The following DGKI variants were observed in gnomAD, a reference collection of about 807,000 sequenced individuals.
DGKI encodes DAG kinase iota.
Under a neutral mutation model 147.5 loss-of-function variants are expected in DGKI, and 55 were observed. The observed-to-expected ratio is 0.37, with a 90% CI of 0.30 to 0.47. The LOEUF (loss-of-function observed/expected upper bound fraction) is 0.47, where lower values mean the gene tolerates loss of function less well. DGKI is among the 20% of genes least tolerant of loss of function. The pLI is 1.00. For synonymous variants in DGKI, 469 were observed against 477.1 expected (o/e 0.98, Z 0.22); for missense variants, 1,007 against 1,323.8 (o/e 0.76, Z 3.71).
chr7:137,463,458 C>T, intron 27 of DGKI, 31 bp downstream of exon 27: 2 of 1,611,004 alleles, frequency 1.2e-6, no homozygotes, highest in Non-Finnish European at 1.7e-6. Flanking sequence ...CACAGTGGCA[C>T]AGAGGAAAAG....
At chr7:137,467,417 T>C (rs1036548734) in intron 24 of DGKI, among the ~76,000 whole-genome samples, 2 of 152,222 alleles carry the variant, frequency 1.3e-5, no homozygotes, top group Non-Finnish European at 2.9e-5. Context: ...TAGGAATTAG[T>C]ATGTATTTAT....
intron 30 of DGKI, among the ~76,000 whole-genome samples, chr7:137,399,045 C>T (rs1811655297): frequency 6.7e-6 from 1 of 149,204 alleles, no homozygotes; most frequent in South Asian, 2.1e-4. Context: ...ATTGCACACT[C>T]AACCACATAT....
At chr7:137,765,713 G>A (rs58113709) in intron 1 of DGKI, among the ~76,000 whole-genome samples, 8,550 of 152,144 alleles carry the variant, frequency 0.056, 570 homozygotes, top group African/African-American at 0.17. Flanking sequence ...TGAATCCCAC[G>A]TCGTTTACTA....
intron 10 of DGKI, among the ~76,000 whole-genome samples, chr7:137,603,151 A>T (rs551955084): frequency 2.0e-5 from 3 of 152,176 alleles, no homozygotes; most frequent in African/African-American, 7.2e-5. Flanking sequence ...GAGAATACAG[A>T]GATGAACAAG....
At chr7:137,818,341 A>C (rs946743144) in intron 1 of DGKI, among the ~76,000 whole-genome samples, 1 of 152,206 alleles carries the variant, frequency 6.6e-6, no homozygotes, top group African/African-American at 2.4e-5. Context: ...AGATGGCTCA[A>C]GTGGACCATT....
At chr7:137,558,214 C>T (rs1723106) in intron 19 of DGKI, among the ~76,000 whole-genome samples, 16,628 of 152,154 alleles carry the variant, frequency 0.11, 2,052 homozygotes, top group African/African-American at 0.3. Flanking sequence ...GAACATCTAT[C>T]ATTAAGATTT....
At chr7:137,839,119 T>C (rs1292994566) in intron 1 of DGKI, among the ~76,000 whole-genome samples, 1 of 152,182 alleles carries the variant, frequency 6.6e-6, no homozygotes, top group Non-Finnish European at 1.5e-5. Context: ...AGCTGGGAGT[T>C]TGGATTGCTG....
At chr7:137,568,122 T>C (rs749273449) in intron 19 of DGKI, among the ~76,000 whole-genome samples, 9 of 152,202 alleles carry the variant, frequency 5.9e-5, no homozygotes, top group Admixed American at 1.3e-4. Flanking sequence ...AAGTAAATGC[T>C]CCTAGATCAG....
At chr7:137,517,782 AG>A (rs1375254198) in intron 21 of DGKI, among the ~76,000 whole-genome samples, 2 of 152,172 alleles carry the variant, frequency 1.3e-5, no homozygotes. Flanking sequence ...GGAAATTTGC[AG>A]GTAAACGTTC....
Position 137,846,137 on chromosome 7 carries a change from T to TCTCTCG in DGKI, c.401+324_401+325insCGAGAG, listed in dbSNP as rs1798711096. Among the ~76,000 whole-genome samples the TCTCTCG allele has an allele frequency of 8.0e-6, 1 of 124,820 alleles. No homozygotes were observed. The highest frequency in any genetic ancestry group is 3.5e-5 in the African/African-American group (1 of 28,634). The allele number at this position is 124,820 out of a possible 152,430, so 81.9% of individuals were successfully genotyped here. On this transcript the variant is annotated intron_variant, in intron 1 of 32. Transcript: ENST00000614521. This position sits in a 1 kb window ranked among gnomAD's most constrained non-coding sequence, Gnocchi z 4.0. ...GCAACCCTTTCTCTCTCTCTCTTTCTCTCTCTCTCTCTCTCTCTCTCTCTC... is the reference window on the plus strand; with the variant it reads ...GCAACCCTTTCTCTCTCTCTCTTTCTCTCTCGCTCTCTCTCTCTCTCTCTCTCTCTC...
intron 30 of DGKI, among the ~76,000 whole-genome samples, chr7:137,403,234 T>G (rs1337805166): frequency 1.3e-5 from 2 of 152,180 alleles, no homozygotes; most frequent in East Asian, 3.9e-4. Flanking sequence ...TTCAACTCTC[T>G]AAATGTCCAA....
At chr7:137,800,758 T>C (rs1797178963) in intron 1 of DGKI, among the ~76,000 whole-genome samples, 1 of 152,210 alleles carries the variant, frequency 6.6e-6, no homozygotes, top group African/African-American at 2.4e-5. Flanking sequence ...CTTGTTGATA[T>C]TGAAGTCTAT....
intron 1 of DGKI, among the ~76,000 whole-genome samples, chr7:137,837,911 G>A (rs1259702486): frequency 1.3e-5 from 2 of 151,960 alleles, no homozygotes; most frequent in Non-Finnish European, 2.9e-5. Context: ...TTCAGACACT[G>A]AGGACGGTGC....
At chr7:137,439,837 G>A (rs1419344451) in intron 28 of DGKI, among the ~76,000 whole-genome samples, 1 of 152,242 alleles carries the variant, frequency 6.6e-6, no homozygotes, top group Non-Finnish European at 1.5e-5. Flanking sequence ...ACAGGTCTAA[G>A]AGGTAGGACA....
chr7:137,432,542 T>C (rs796532743), intron 28 of DGKI, among the ~76,000 whole-genome samples: 57 of 152,332 alleles, frequency 3.7e-4, no homozygotes, highest in African/African-American at 1.3e-3. Context: ...CTATATTACC[T>C]AATTTAATCC....
At chr7:137,668,069 C>A (rs150966420) in intron 3 of DGKI, among the ~76,000 whole-genome samples, 1 of 152,158 alleles carries the variant, frequency 6.6e-6, no homozygotes, top group Non-Finnish European at 1.5e-5. Flanking sequence ...TCTTTCTAAC[C>A]CAAAGCCATC....
chr7:137,461,300 C>T (rs747081045), intron 27 of DGKI, among the ~76,000 whole-genome samples: 1 of 152,184 alleles, frequency 6.6e-6, no homozygotes, highest in Non-Finnish European at 1.5e-5. Flanking sequence ...CCTCAGTTTA[C>T]TTATCTGTTA....
In DGKI at chr7:137,485,386, T is replaced by C. The variant is rs371758258; in HGVS notation, c.2361A>G (p.Arg787=). ...AATTATTTGTTACCTGGTAATGAACTCTCTGGGAGCCAGAAGAAACTGACT... is the reference window on the plus strand; with the variant it reads ...AATTATTTGTTACCTGGTAATGAACCCTCTGGGAGCCAGAAGAAACTGACT... ...DLQSVSSGSQ[R]VHYQDHETSF... is the part of the protein sequence containing the mutation. The change falls in exon 23 of 33, where the codon AGA becomes AGG. Residue 787 remains arginine, a synonymous_variant. Transcript: ENST00000614521. 4 of 1,608,858 alleles carry C rather than the reference T, an allele frequency of 2.5e-6. No individual in the cohort carries two copies. Among genetic ancestry groups the C allele is most frequent in the Admixed American group, 1.7e-5 (1 of 59,554 alleles).
chr7:137,707,244 T>A (rs531336521), intron 1 of DGKI, among the ~76,000 whole-genome samples: 1 of 152,328 alleles, frequency 6.6e-6, no homozygotes, highest in South Asian at 2.1e-4. Context: ...TGCGGATTCC[T>A]CTAGCATTTT....
Sources: allele counts gnomAD v4.1 joint callset (sites outside exome capture counted in the v4.1 genomes callset), GRCh38; gene constraint gnomAD v4.1.1; non-coding constraint Gnocchi (gnomAD v3.1); transcripts MANE v1.5; gene names NCBI Gene and HGNC (gene_info 2026-07-23, HGNC 2026-07-21).